The following TCF12 variants were observed in gnomAD, a reference collection of about 807,000 sequenced individuals.
TCF12 encodes DNA-binding protein HTF4.
Under a neutral mutation model 86.0 loss-of-function variants are expected in TCF12, and 45 were observed. That is an observed-to-expected ratio of 0.52 (90% CI 0.41 to 0.67). The LOEUF (loss-of-function observed/expected upper bound fraction) is 0.67, where lower values mean the gene tolerates loss of function less well. Ranked by LOEUF, TCF12 falls within the 30% of genes least tolerant of loss-of-function variation. TCF12 has a pLI of 0.00. For missense variants in TCF12, 881 were observed against 859.9 expected, an observed-to-expected ratio of 1.02 and a Z score of -0.31; for synonymous variants, 330 against 299.6, an observed-to-expected ratio of 1.10 and a Z score of -1.05.
chr15:56,964,190 T>C (rs1206217668), intron 3 of TCF12, among the ~76,000 whole-genome samples: 3 of 152,224 alleles, frequency 2.0e-5, no homozygotes, highest in Non-Finnish European at 4.4e-5. Flanking sequence ...ATGTACCATG[T>C]AATGTTTTAG....
chr15:57,194,937 T>C (rs1476258166), intron 7 of TCF12, among the ~76,000 whole-genome samples: 1 of 152,160 alleles, frequency 6.6e-6, no homozygotes, highest in East Asian at 1.9e-4. Flanking sequence ...AGTTTCACTC[T>C]TGTCCCCCAG....
chr15:57,045,185 A>T (rs1290425239), intron 3 of TCF12, among the ~76,000 whole-genome samples: 3 of 152,236 alleles, frequency 2.0e-5, no homozygotes, highest in Non-Finnish European at 4.4e-5. Context: ...GACACATTAC[A>T]TGCTGTCCCA....
intron 3 of TCF12, among the ~76,000 whole-genome samples, chr15:56,964,155 C>G (rs562090506): frequency 1.8e-4 from 27 of 152,282 alleles, no homozygotes; most frequent in African/African-American, 6.3e-4. Context: ...CTCAAGTCTG[C>G]TGTTTCAAGA....
chr15:57,120,167 T>G (rs1567461571), intron 5 of TCF12, among the ~76,000 whole-genome samples: 1 of 152,240 alleles, frequency 6.6e-6, no homozygotes. Flanking sequence ...ACTACTCGGA[T>G]GTACATTGGT....
intron 5 of TCF12, among the ~76,000 whole-genome samples, chr15:57,113,546 TTTTTC>T (rs2050638900): frequency 6.6e-6 from 1 of 152,110 alleles, no homozygotes; most frequent in Admixed American, 6.5e-5. Flanking sequence ...CTTTTTTTTC[TTTTTC>T]TTTTTCTTTT....
chr15:57,024,471 C>T (rs1278142109), intron 3 of TCF12, among the ~76,000 whole-genome samples: 1 of 152,084 alleles, frequency 6.6e-6, no homozygotes, highest in Non-Finnish European at 1.5e-5. Flanking sequence ...GCCTCAGCCT[C>T]CCAAAGTGCT....
At chr15:57,085,224 T>C (rs1447673314) in intron 4 of TCF12, among the ~76,000 whole-genome samples, 2 of 152,182 alleles carry the variant, frequency 1.3e-5, no homozygotes, top group African/African-American at 4.8e-5. Context: ...AGTCTCTTTT[T>C]GGATTATGAA....
At chr15:57,251,653 A>G (rs1032879124) in intron 14 of TCF12, among the ~76,000 whole-genome samples, 41 of 152,206 alleles carry the variant, frequency 2.7e-4, no homozygotes, top group African/African-American at 9.4e-4. Context: ...AAATTGTGTT[A>G]TGAGGGTTTT....
chr15:57,004,087 T>C (rs2064205268), intron 3 of TCF12, among the ~76,000 whole-genome samples: 1 of 152,150 alleles, frequency 6.6e-6, no homozygotes, highest in East Asian at 1.9e-4. Context: ...AAAGAGTGAC[T>C]CTCACTTTAA....
intron 5 of TCF12, among the ~76,000 whole-genome samples, chr15:57,112,459 C>T (rs1257031391): frequency 6.6e-6 from 1 of 152,084 alleles, no homozygotes; most frequent in Non-Finnish European, 1.5e-5. Flanking sequence ...TGTGCCTGGC[C>T]CAGCTGCAAC....
intron 3 of TCF12, among the ~76,000 whole-genome samples, chr15:56,930,480 A>G (rs1358884634): frequency 2.0e-5 from 3 of 152,182 alleles, no homozygotes; most frequent in Middle Eastern, 3.2e-3. Flanking sequence ...CCGGAGGCCC[A>G]TTTACTTAAT....
At chr15:57,210,024 A>T (rs951144024) in intron 8 of TCF12, among the ~76,000 whole-genome samples, 1 of 152,190 alleles carries the variant, frequency 6.6e-6, no homozygotes, top group Non-Finnish European at 1.5e-5. Flanking sequence ...TAAAAGGGCA[A>T]CATACCCCTA....
chr15:57,248,437 A>T (rs1415203120), intron 13 of TCF12, among the ~76,000 whole-genome samples: 1 of 152,240 alleles, frequency 6.6e-6, no homozygotes, highest in African/African-American at 2.4e-5. Flanking sequence ...GAATAAGTTT[A>T]CTAAGGGAGC....
intron 3 of TCF12, among the ~76,000 whole-genome samples, chr15:57,032,175 A>T (rs904534310): frequency 6.6e-6 from 1 of 152,148 alleles, no homozygotes; most frequent in Non-Finnish European, 1.5e-5. Flanking sequence ...GATCTTAATT[A>T]GCATATTTTA....
At chr15:56,935,994 A>G (rs536836906) in intron 3 of TCF12, among the ~76,000 whole-genome samples, 1 of 152,264 alleles carries the variant, frequency 6.6e-6, no homozygotes, top group African/African-American at 2.4e-5. Context: ...TTCTTTTCCT[A>G]TGGGTAGATA....
chr15:57,093,229 C>G (rs1311015586), intron 5 of TCF12, among the ~76,000 whole-genome samples: 8 of 152,116 alleles, frequency 5.3e-5, no homozygotes, highest in African/African-American at 1.9e-4. Flanking sequence ...GGAAAACTTT[C>G]TAATTTATTT....
chr15:57,091,770 G>A lies in TCF12; in HGVS notation c.223-19G>A, dbSNP rs1466831437. On this transcript the variant is annotated intron_variant, in intron 4 of 20. Coordinates refer to ENST00000333725, the MANE Select transcript of TCF12 (RefSeq NM_207037.2). ...TGCCAAATAATCTCTTTAATACTCTGATCTTTTTCTCCCCCTAGGGTTTTA... is the reference window on the plus strand; with the variant it reads ...TGCCAAATAATCTCTTTAATACTCTAATCTTTTTCTCCCCCTAGGGTTTTA... 1.3e-6 allele frequency: 2 copies of A among 1,590,652 alleles called. No individual in the cohort carries two copies. Among genetic ancestry groups the A allele is most frequent in the Non-Finnish European group, 1.7e-6 (2 of 1,159,206 alleles).
intron 3 of TCF12, among the ~76,000 whole-genome samples, chr15:57,021,420 A>G (rs1339034144): frequency 6.6e-6 from 1 of 152,246 alleles, no homozygotes; most frequent in Non-Finnish European, 1.5e-5. Context: ...TGGGAGGCCC[A>G]GGAGGGCGGA....
At chr15:57,138,057 C>A (rs934453967) in intron 5 of TCF12, among the ~76,000 whole-genome samples, 1 of 151,924 alleles carries the variant, frequency 6.6e-6, no homozygotes, top group African/African-American at 2.4e-5. Context: ...TAAAGTATTA[C>A]CACCAGTTCT....
Sources: gnomAD v4.1 joint callset for allele counts (sites outside exome capture counted in the v4.1 genomes callset) on GRCh38, gnomAD v4.1.1 for gene constraint, MANE v1.5 for transcripts, NCBI Gene and HGNC (gene_info 2026-07-23, HGNC 2026-07-21) for gene names.